Variants in ITIH5 observed in about 807,000 individuals in gnomAD.
ITIH5 encodes inter-alpha-trypsin inhibitor heavy chain 5, also known as inter-alpha-trypsin inhibitor heavy chain H5.
Under a neutral mutation model 77.5 loss-of-function variants are expected in ITIH5, and 65 were observed. That is an observed-to-expected ratio of 0.84 (90% CI 0.69 to 1.03). The LOEUF is 1.03. ITIH5 is among the 50% of genes least tolerant of loss of function. The pLI is 0.00. For missense variants in ITIH5, 1,208 were observed against 1,213.1 expected, an observed-to-expected ratio of 1.00 and a Z score of 0.06; for synonymous variants, 525 against 494.3, an observed-to-expected ratio of 1.06 and a Z score of -0.82.
chr10:7,569,627 C>A lies in ITIH5; in HGVS notation c.2149+41G>T, dbSNP rs752509542. 4 of 1,345,458 alleles carry A rather than the reference C, an allele frequency of 3.0e-6. No individual in the cohort carries two copies. In the African/African-American group the frequency reaches 5.8e-5, roughly 20 times the overall value. 83.3% of individuals were successfully genotyped at this position (1,345,458 alleles called of 1,614,324 possible). A position where few individuals can be genotyped will look rare whatever the true frequency, so the allele number is the denominator to read the frequency against. ...GAACAGAGGGGGATGCAGTACCTAC[C>A]TGGTCCTTGCCCAGATGCTGCAGCG... On this transcript the variant is annotated intron_variant, in intron 12 of 13. Coordinates refer to ENST00000397146, the MANE Select transcript of ITIH5 (RefSeq NM_030569.7).
chr10:7,562,869 G>A lies in ITIH5; in HGVS notation c.*214C>T. 1.6e-6 allele frequency: 1 copy of A among 606,532 alleles called. No homozygotes were observed. The highest frequency in any genetic ancestry group is 3.0e-6 in the Non-Finnish European group (1 of 336,618). The allele number at this position is 606,532 out of a possible 1,614,324, so 37.6% of individuals were successfully genotyped here. A position where few individuals can be genotyped will look rare whatever the true frequency, so the allele number is the denominator to read the frequency against. Reference sequence around the variant, plus strand: ...GGGTGGGGAGAGGCAGGAAGAGGCAGTAGAGGGAAATGACATTTGCACTCA... The same window carrying A: ...GGGTGGGGAGAGGCAGGAAGAGGCAATAGAGGGAAATGACATTTGCACTCA... On this transcript the variant is annotated 3_prime_UTR_variant, in exon 14 of 14. Coordinates refer to ENST00000397146, the MANE Select transcript of ITIH5 (RefSeq NM_030569.7).
intron 5 of ITIH5, among the ~76,000 whole-genome samples, chr10:7,631,914 G>A (rs1041130911): frequency 4.6e-5 from 7 of 151,016 alleles, no homozygotes; most frequent in South Asian, 2.1e-4. Context: ...AGCCTCCCAA[G>A]TACCTGGGAT....
chr10:7,644,493 CATA>C (rs1192502219), intron 2 of ITIH5, among the ~76,000 whole-genome samples: 2 of 73,200 alleles, frequency 2.7e-5, no homozygotes, highest in African/African-American at 1.1e-4. Context: ...ACATATATAT[CATA>C]ATCACATATA....
At chr10:7,610,018 C>A (rs576392947) in intron 7 of ITIH5, among the ~76,000 whole-genome samples, 3 of 151,906 alleles carry the variant, frequency 2.0e-5, no homozygotes, top group Non-Finnish European at 2.9e-5. Flanking sequence ...AAAAAAGAAG[C>A]CTTCCCTGAT....
chr10:7,566,435 G>C, intron 12 of ITIH5, 28 bp from the exon 13 acceptor site: 2 of 1,567,788 alleles, frequency 1.3e-6, no homozygotes, highest in Non-Finnish European at 1.7e-6. Flanking sequence ...AAAGAAGAAG[G>C]TTAGAAAATC....
chr10:7,628,377 G>A (rs1198972259), intron 5 of ITIH5, among the ~76,000 whole-genome samples: 1 of 152,180 alleles, frequency 6.6e-6, no homozygotes, highest in Non-Finnish European at 1.5e-5. Context: ...TCATACACAT[G>A]TGACCTTTTC....
chr10:7,649,180 TC>T, intron 2 of ITIH5, among the ~76,000 whole-genome samples: 1 of 151,754 alleles, frequency 6.6e-6, no homozygotes, highest in Non-Finnish European at 1.5e-5. Context: ...CCCTTCCCCT[TC>T]CCTTCTCCCT....
chr10:7,628,173 A>G (rs929606337), intron 5 of ITIH5, among the ~76,000 whole-genome samples: 1 of 152,162 alleles, frequency 6.6e-6, no homozygotes, highest in Non-Finnish European at 1.5e-5. Context: ...ACAAACAAAT[A>G]GCATTTAGTA....
intron 3 of ITIH5, among the ~76,000 whole-genome samples, chr10:7,641,650 AAGGGAGGGAGGG>A (rs1289590153): frequency 2.4e-5 from 2 of 83,028 alleles, no homozygotes; most frequent in Non-Finnish European, 4.6e-5. Context: ...GGAAGGAAGG[AAGGGAGGGAGGG>A]AGGGAGGGAG....
At chr10:7,647,684 C>G (rs1028900731) in intron 2 of ITIH5, among the ~76,000 whole-genome samples, 1 of 152,142 alleles carries the variant, frequency 6.6e-6, no homozygotes, top group African/African-American at 2.4e-5. Context: ...ATTTCCAACT[C>G]TATGTCATTT....
Position 7,563,319 on chromosome 10 carries a change from G to A in ITIH5, c.2593C>T (p.His865Tyr), listed in dbSNP as rs1832075595. The change falls in exon 14 of 14, where the codon CAC becomes TAC. Residue 865 changes from histidine to tyrosine, a missense_variant. His to Tyr is a moderately conservative substitution (Grantham distance 83). Transcript: ENST00000397146. Reference protein sequence around the residue: ...DPAGPSQNLTHPLLLQVGEGP... With the variant: ...DPAGPSQNLTYPLLLQVGEGP... ...TCTCCCACCTGAAGGAGCAGAGGGT[G>A]AGTGAGGTTCTGGCTGGGCCCTGCA... is the stretch of plus-strand genomic sequence containing the variant. 1 of 1,614,102 alleles carries A rather than the reference G, an allele frequency of 6.2e-7. No individual in the cohort carries two copies. Among genetic ancestry groups the A allele is most frequent in the Admixed American group, 1.7e-5 (1 of 60,008 alleles).
chr10:7,627,827 CTTTTTTTTTTTT>C (rs869139058), intron 5 of ITIH5, among the ~76,000 whole-genome samples: 3 of 90,840 alleles, frequency 3.3e-5, no homozygotes, highest in South Asian at 4.9e-4. Flanking sequence ...TGAAATTAAC[CTTTTTTTTTTTT>C]TTTTTTTTTT....
Position 7,576,858 on chromosome 10 carries a change from G to A in ITIH5, c.1573C>T (p.His525Tyr), listed in dbSNP as rs1832433974. ...CTGGCGGTGACCTCCACGTGCAGGT[G>A]ATCCAGCTTCCTGTCCACCAGCTTC... Reference protein sequence around the residue: ...AGKLVDRKLDHLHVEVTASNS... With the variant: ...AGKLVDRKLDYLHVEVTASNS... The change falls in exon 10 of 14, where the codon CAC becomes TAC. Residue 525 changes from histidine to tyrosine, a missense_variant. Transcript: ENST00000397146. 8.1e-6 allele frequency: 13 copies of A among 1,614,062 alleles called. No homozygotes were observed. In the East Asian group the frequency reaches 2.9e-4, roughly 36 times the overall value.
chr10:7,630,627 C>T (rs1222629239), intron 5 of ITIH5, among the ~76,000 whole-genome samples: 1 of 152,110 alleles, frequency 6.6e-6, no homozygotes, highest in African/African-American at 2.4e-5. Context: ...TTTGGAAGGA[C>T]GTCTGTTCAA....
At chr10:7,616,246 G>T (rs2131035038) in intron 6 of ITIH5, 148 bp from the exon 7 acceptor site, 1 of 601,930 alleles carries the variant, frequency 1.7e-6, no homozygotes, top group East Asian at 2.8e-5. Context: ...ATTATCTAAG[G>T]CCCTGATCCC....
chr10:7,620,923 G>C (rs1230432239), intron 5 of ITIH5: 3 of 152,140 alleles, frequency 2.0e-5, no homozygotes, highest in Non-Finnish European at 4.4e-5. Context: ...CCCCCACGAG[G>C]GTGTAGAGCA....
rs1832152838 is a variant in ITIH5, at chr10:7,566,201, GC to G, written c.2355del (p.Leu786TrpfsTer19). Reference sequence around the variant, plus strand: ...GCGTTGGCAGACACGGACACCTCCAGCCCCCAGCTCCCCACCACCACACTCT... The same window carrying G: ...GCGTTGGCAGACACGGACACCTCCAGCCCCAGCTCCCCACCACCACACTCT... ...CNQSVVVGSW[G>X]LEVSVSANAN... On this transcript the variant is annotated frameshift_variant, in exon 13 of 14. Coordinates refer to ENST00000397146, the MANE Select transcript of ITIH5 (RefSeq NM_030569.7). LOFTEE classifies it high-confidence loss of function. 1 of 1,613,836 alleles carries G rather than the reference GC, an allele frequency of 6.2e-7. No individual in the cohort carries two copies. The highest frequency in any genetic ancestry group is 8.5e-7 in the Non-Finnish European group (1 of 1,179,970).
chr10:7,655,656 C>T lies in ITIH5; in HGVS notation c.110G>A (p.Arg37Lys). 6.2e-7 allele frequency: 1 copy of T among 1,613,052 alleles called. No homozygotes were observed. The highest frequency in any genetic ancestry group is 8.5e-7 in the Non-Finnish European group (1 of 1,179,122). Residue 37 changes from arginine (R) to lysine (K), a missense_variant, in exon 2 of 14, where the codon AGG (arginine) becomes AAG (lysine). Arg to Lys is a conservative substitution (Grantham distance 26, BLOSUM62 2). Coordinates refer to ENST00000397146, the MANE Select transcript of ITIH5 (RefSeq NM_030569.7). Reference protein sequence around the residue: ...SSEQDGLRVPRQVRLLQRLKT... With the variant: ...SSEQDGLRVPKQVRLLQRLKT... ...CAGCCTCTGCAACAGTCTGACTTGC[C>T]TCGGGACCCTGAGTCCATCCTAGAA...
In ITIH5 at chr10:7,579,046, C is replaced by T. The variant is rs193136418; in HGVS notation, c.1418+709G>A. 2.0e-5 allele frequency among the ~76,000 whole-genome samples: 3 copies of T among 152,316 alleles called. No individual in the cohort carries two copies. The East Asian group carries it at 5.8e-4, about 29-fold the overall frequency. ...ACAGGGTAGAATAAAAGTAAACTTA[C>T]TAGAAAGTGCTTTGAAATATCAGGA... On this transcript the variant is annotated intron_variant, in intron 9 of 13. Transcript: ENST00000397146.
Sources: allele counts gnomAD v4.1 joint callset (sites outside exome capture counted in the v4.1 genomes callset), GRCh38; gene constraint gnomAD v4.1.1; transcripts MANE v1.5; gene names NCBI Gene and HGNC (gene_info 2026-07-23, HGNC 2026-07-21).